Variants in ARHGAP10 observed in about 807,000 individuals in gnomAD.
ARHGAP10 encodes rho GTPase-activating protein 10.
In ARHGAP10, 87 loss-of-function variants were observed where a neutral mutation model predicts 108.6. The ratio of observed to expected loss-of-function variants is 0.80; its 90% confidence interval spans 0.67 to 0.96. The LOEUF is 0.96. ARHGAP10 is among the 40% of genes least tolerant of loss of function. The pLI, the probability that ARHGAP10 is intolerant of heterozygous loss-of-function variation, is 0.00. For missense variants in ARHGAP10, 939 were observed against 954.5 expected (o/e 0.98, Z 0.21); for synonymous variants, 347 against 341.1 (o/e 1.02, Z -0.19).
At chr4:148,022,298 G>A (rs1741599067) in intron 18 of ARHGAP10, among the ~76,000 whole-genome samples, 4 of 152,174 alleles carry the variant, frequency 2.6e-5, no homozygotes, top group Admixed American at 2.6e-4. Context: ...CATACATTAG[G>A]TATTTGTGGG....
chr4:147,991,162 A>G (rs977075940), intron 18 of ARHGAP10, among the ~76,000 whole-genome samples: 14 of 150,728 alleles, frequency 9.3e-5, no homozygotes, highest in African/African-American at 3.2e-4. Flanking sequence ...AAAAAAAAAT[A>G]AATAAAAGAA....
At chr4:147,874,919 G>T in intron 7 of ARHGAP10, 102 bp from the exon 8 acceptor site, 1 of 1,229,066 alleles carries the variant, frequency 8.1e-7, no homozygotes, top group Non-Finnish European at 1.1e-6. Flanking sequence ...AAGTTATTTA[G>T]AGTTAAAAAA....
intron 21 of ARHGAP10, among the ~76,000 whole-genome samples, chr4:148,063,905 G>A (rs1729738810): frequency 6.6e-6 from 1 of 152,226 alleles, no homozygotes; most frequent in Non-Finnish European, 1.5e-5. Flanking sequence ...TTGGGGCGGA[G>A]GCAGGGTGTA....
chr4:147,782,136 G>A (rs78320242), intron 1 of ARHGAP10, among the ~76,000 whole-genome samples: 95 of 152,328 alleles, frequency 6.2e-4, no homozygotes, highest in Admixed American at 9.8e-4. Context: ...TTGCCATAAG[G>A]TGAATGTCCT....
At chr4:147,816,925 A>T (rs1227744570) in intron 1 of ARHGAP10, among the ~76,000 whole-genome samples, 1 of 152,184 alleles carries the variant, frequency 6.6e-6, no homozygotes, top group Non-Finnish European at 1.5e-5. Flanking sequence ...TAGATAAAAC[A>T]TGAAAGAATT....
chr4:147,992,597 G>A (rs1740320251), intron 18 of ARHGAP10, among the ~76,000 whole-genome samples: 1 of 151,970 alleles, frequency 6.6e-6, no homozygotes, highest in Admixed American at 6.6e-5. Flanking sequence ...ATAGAGATGG[G>A]GTTTCACCAT....
intron 20 of ARHGAP10, among the ~76,000 whole-genome samples, chr4:148,060,668 G>T (rs140352641): frequency 6.6e-6 from 1 of 152,054 alleles, no homozygotes; most frequent in African/African-American, 2.4e-5. Flanking sequence ...ACGTTGCCCC[G>T]TCTTGTGAAT....
chr4:147,836,707 T>A (rs538861838), intron 3 of ARHGAP10, among the ~76,000 whole-genome samples: 1 of 152,376 alleles, frequency 6.6e-6, no homozygotes, highest in East Asian at 1.9e-4. Flanking sequence ...ATTGCCATCA[T>A]AAAATTGAAT....
chr4:147,739,941 G>T (rs1278128443), intron 1 of ARHGAP10, among the ~76,000 whole-genome samples: 1 of 151,908 alleles, frequency 6.6e-6, no homozygotes, highest in Non-Finnish European at 1.5e-5. Flanking sequence ...TCACCACATT[G>T]GCCAGGCTGG....
At chr4:148,007,527 CCTT>C (rs1293769458) in intron 18 of ARHGAP10, among the ~76,000 whole-genome samples, 3 of 152,188 alleles carry the variant, frequency 2.0e-5, no homozygotes, top group African/African-American at 7.2e-5. Flanking sequence ...TGTATTTTCT[CCTT>C]CAGCGATTCA....
chr4:147,999,532 G>A (rs140559891), intron 18 of ARHGAP10, among the ~76,000 whole-genome samples: 2,818 of 152,306 alleles, frequency 0.019, 98 homozygotes, highest in African/African-American at 0.064. Context: ...CCAGTGAGGC[G>A]CCCATTGCCG....
intron 4 of ARHGAP10, among the ~76,000 whole-genome samples, chr4:147,852,473 A>G (rs1733908645): frequency 6.6e-6 from 1 of 152,146 alleles, no homozygotes. Flanking sequence ...GGGTTGGGGT[A>G]GGATAGGGCA....
chr4:147,880,112 T>C (rs1254995366), intron 9 of ARHGAP10, among the ~76,000 whole-genome samples: 1 of 152,118 alleles, frequency 6.6e-6, no homozygotes, highest in Non-Finnish European at 1.5e-5. Context: ...GTAGGAAAGG[T>C]GATCTTTATA....
intron 12 of ARHGAP10, among the ~76,000 whole-genome samples, chr4:147,911,993 ACG>A (rs1491413924): frequency 0.024 from 2,651 of 108,488 alleles, 56 homozygotes; most frequent in African/African-American, 0.086. Flanking sequence ...AAGAACATTC[ACG>A]TGTGTGTGTG....
intron 18 of ARHGAP10, among the ~76,000 whole-genome samples, chr4:147,982,365 C>CTTTTTT (rs70958599): frequency 1.6e-5 from 2 of 124,628 alleles, no homozygotes; most frequent in Non-Finnish European, 3.4e-5. Flanking sequence ...TTCTTTCTTT[C>CTTTTTT]TTTTTTTTTT....
chr4:147,837,748 C>A (rs545487232), intron 3 of ARHGAP10, among the ~76,000 whole-genome samples: 1 of 147,858 alleles, frequency 6.8e-6, no homozygotes, highest in South Asian at 2.2e-4. Context: ...TACTGCAAGC[C>A]AGTGTCTGTC....
chr4:148,065,529 A>T (rs997862036), intron 22 of ARHGAP10: 2 of 152,224 alleles, frequency 1.3e-5, no homozygotes, highest in African/African-American at 4.8e-5. Context: ...TTGTTCTTGG[A>T]ATAGAAGCAA....
intron 13 of ARHGAP10, among the ~76,000 whole-genome samples, chr4:147,923,260 T>G (rs570367661): frequency 6.6e-6 from 1 of 152,322 alleles, no homozygotes; most frequent in African/African-American, 2.4e-5. Context: ...TCTTATAGTT[T>G]CAGAGATTGG....
intron 1 of ARHGAP10, among the ~76,000 whole-genome samples, chr4:147,798,781 CTATATATATATATATATATATA>C (rs201269477): frequency 4.1e-4 from 3 of 7,242 alleles, no homozygotes; most frequent in African/African-American, 7.0e-4. Context: ...CTCTCTCTCT[CTATATATATATATATATATATA>C]TATATATATA....
Sources: allele counts gnomAD v4.1 joint callset (sites outside exome capture counted in the v4.1 genomes callset), GRCh38; gene constraint gnomAD v4.1.1; transcripts MANE v1.5; gene names NCBI Gene and HGNC (gene_info 2026-07-23, HGNC 2026-07-21).